The following AP3B1 variants were observed in gnomAD, a reference collection of about 807,000 sequenced individuals.
AP3B1 encodes the protein adaptor related protein complex 3 subunit beta 1.
In AP3B1, 61 loss-of-function variants were observed where a neutral mutation model predicts 132.5. The ratio of observed to expected loss-of-function variants is 0.46; its 90% CI spans 0.37 to 0.57. AP3B1 has a LOEUF of 0.57. Ranked by LOEUF, AP3B1 falls within the 20% of genes least tolerant of loss-of-function variation. The probability of loss-of-function intolerance (pLI) is 0.00; values close to 1 mark genes in which losing one functional copy is unlikely to be tolerated. For missense variants in AP3B1, 1,120 were observed against 1,289.4 expected, an observed-to-expected ratio of 0.87 and a Z score of 2.01; for synonymous variants, 388 against 438.3, an observed-to-expected ratio of 0.89 and a Z score of 1.43.
At chr5:78,277,433 A>C (rs1001490923) in intron 1 of AP3B1, among the ~76,000 whole-genome samples, 16 of 152,212 alleles carry the variant, frequency 1.1e-4, no homozygotes, top group African/African-American at 3.6e-4. Context: ...AGCAAGGCAG[A>C]GAAGGAAGAA....
Position 78,034,417 on chromosome 5 carries a change from T to C in AP3B1, c.2838A>G (p.Thr946=). ...IDSLEPEGSI[T]VSMGIDFCDS... ...CACAAAAGTCAATACCCATTGAAACTGTAATGGATCCCTCAGGCTCAAGAG... is the reference window on the plus strand; with the variant it reads ...CACAAAAGTCAATACCCATTGAAACCGTAATGGATCCCTCAGGCTCAAGAG... Residue 946 remains threonine, a synonymous_variant, in exon 24 of 27, where the codon ACA becomes ACG. Coordinates refer to ENST00000255194, the MANE Select transcript of AP3B1 (RefSeq NM_003664.5). 6.2e-7 allele frequency: 1 copy of C among 1,611,828 alleles called. No individual in the cohort carries two copies. Among genetic ancestry groups the C allele is most frequent in the South Asian group, 1.1e-5 (1 of 91,018 alleles).
chr5:78,217,459 G>A (rs961723291), intron 6 of AP3B1, among the ~76,000 whole-genome samples: 1 of 151,852 alleles, frequency 6.6e-6, no homozygotes, highest in Non-Finnish European at 1.5e-5. Context: ...CACCTCAATC[G>A]AAAAAGCACA....
chr5:78,023,537 A>C (rs1447347275), intron 24 of AP3B1, among the ~76,000 whole-genome samples: 1 of 152,206 alleles, frequency 6.6e-6, no homozygotes, highest in Non-Finnish European at 1.5e-5. Context: ...AGAATGGTGT[A>C]AATGGTGTAG....
chr5:78,174,429 T>C (rs1026906753), intron 11 of AP3B1, among the ~76,000 whole-genome samples: 1 of 152,236 alleles, frequency 6.6e-6, no homozygotes, highest in Non-Finnish European at 1.5e-5. Flanking sequence ...TAGTTTTCCT[T>C]GTAACAGTCA....
At chr5:78,112,798 T>C (rs1751653941) in intron 19 of AP3B1, among the ~76,000 whole-genome samples, 1 of 152,218 alleles carries the variant, frequency 6.6e-6, no homozygotes. Context: ...TTTACCTTAC[T>C]GCTTAGAGTT....
chr5:78,234,300 A>C (rs1281950772), intron 3 of AP3B1, among the ~76,000 whole-genome samples: 1 of 152,228 alleles, frequency 6.6e-6, no homozygotes, highest in Non-Finnish European at 1.5e-5. Context: ...ACTTGGAACC[A>C]AGTGATGTTA....
chr5:78,140,703 C>T (rs1252625902), intron 15 of AP3B1, among the ~76,000 whole-genome samples: 30 of 152,198 alleles, frequency 2.0e-4, no homozygotes, highest in Non-Finnish European at 2.9e-5. Flanking sequence ...AACTTTCAGA[C>T]CATTGTACCT....
rs1041237309 is a variant in AP3B1 at position 78,260,714 on chromosome 5, A to C, written c.204+6806T>G. ...CACAACTATTTTTAATAGGGTTCAT[A>C]ATATTTAAAATAAATGTCCAAAATG... On this transcript the variant is annotated intron_variant, in intron 2 of 26. Transcript: ENST00000255194. 2.3e-4 allele frequency among the ~76,000 whole-genome samples: 35 copies of C among 152,292 alleles called. 1 individual carries two copies. The highest frequency in any genetic ancestry group is 8.2e-4 in the African/African-American group (34 of 41,560).
intron 26 of AP3B1, among the ~76,000 whole-genome samples, chr5:78,011,221 T>A (rs1238385895): frequency 6.6e-6 from 1 of 151,956 alleles, no homozygotes; most frequent in African/African-American, 2.4e-5. Context: ...TTTTTTTGTA[T>A]ATTTAGTAGA....
intron 22 of AP3B1, among the ~76,000 whole-genome samples, chr5:78,044,309 T>C (rs896519258): frequency 1.1e-4 from 16 of 152,370 alleles, no homozygotes; most frequent in African/African-American, 3.6e-4. Context: ...CTACTAAGGC[T>C]ATGATAATCA....
intron 1 of AP3B1, among the ~76,000 whole-genome samples, chr5:78,268,935 T>C (rs1448464298): frequency 1.3e-5 from 2 of 152,214 alleles, no homozygotes; most frequent in East Asian, 1.9e-4. Flanking sequence ...AAAATTCTGA[T>C]ATAAATTACA....
At chr5:78,250,242 T>C (rs1462284565) in intron 2 of AP3B1, among the ~76,000 whole-genome samples, 1 of 152,086 alleles carries the variant, frequency 6.6e-6, no homozygotes, top group Non-Finnish European at 1.5e-5. Context: ...GCAGAATATA[T>C]AGTACCTATT....
In AP3B1 at chr5:78,034,381, C is replaced by A. The variant is rs761183683; in HGVS notation, c.2874G>T (p.Gln958His). The A allele has an allele frequency of 6.2e-7, 1 of 1,612,048 alleles. No individual in the cohort carries two copies. Among genetic ancestry groups the A allele is most frequent in the Non-Finnish European group, 8.5e-7 (1 of 1,178,414 alleles). ...SMGIDFCDST[Q>H]TASFQLCTKD... ...CTTACCACAACTGGAAACTGGCAGT[C>A]TGAGTAGAATCACAAAAGTCAATAC... Residue 958 changes from glutamine to histidine, a missense_variant, in exon 24 of 27, where the codon CAG becomes CAT. By Grantham distance (24) the Gln-to-His change is conservative (BLOSUM62 0). Around this residue, in one of 3 missense-constraint regions of AP3B1, gnomAD observed 906 missense variants for 997.1 expected, o/e 0.91. Transcript: ENST00000255194.
At chr5:78,172,473 C>G (rs942235329) in intron 11 of AP3B1, among the ~76,000 whole-genome samples, 15 of 152,170 alleles carry the variant, frequency 9.9e-5, no homozygotes, top group Non-Finnish European at 1.9e-4. Flanking sequence ...GGAGTGTGTA[C>G]GTGTCCAGGA....
At chr5:78,172,885 CTT>C (rs1197578439) in intron 11 of AP3B1, among the ~76,000 whole-genome samples, 1 of 152,190 alleles carries the variant, frequency 6.6e-6, no homozygotes. Flanking sequence ...ACTGCTTTCT[CTT>C]GTGAGCATTT....
intron 2 of AP3B1, among the ~76,000 whole-genome samples, chr5:78,242,245 T>G (rs768673139): frequency 1.3e-5 from 2 of 152,176 alleles, no homozygotes; most frequent in African/African-American, 2.4e-5. Context: ...TACTCACTAC[T>G]AGAATATTCT....
intron 24 of AP3B1, among the ~76,000 whole-genome samples, chr5:78,028,342 C>T (rs1747427338): frequency 6.6e-6 from 1 of 151,528 alleles, no homozygotes; most frequent in African/African-American, 2.4e-5. Context: ...TGCCTGTAGT[C>T]CCAGCTACTC....
intron 22 of AP3B1, among the ~76,000 whole-genome samples, chr5:78,065,693 C>G (rs1749259783): frequency 6.6e-6 from 1 of 152,184 alleles, no homozygotes; most frequent in South Asian, 2.1e-4. Flanking sequence ...TGGGGAAGGG[C>G]AGCCATGGTC....
At chr5:78,176,233 G>GTCATGTTA (rs1744143093) in intron 9 of AP3B1, among the ~76,000 whole-genome samples, 1 of 151,894 alleles carries the variant, frequency 6.6e-6, no homozygotes, top group South Asian at 2.1e-4. Context: ...TTTAAAAGTA[G>GTCATGTTA]TCATGTTATT....
Sources: gnomAD v4.1 joint callset for allele counts (sites outside exome capture counted in the v4.1 genomes callset) on GRCh38, gnomAD v4.1.1 for gene constraint, gnomAD v4.1.1 regional missense constraint, MANE v1.5 for transcripts, NCBI Gene and HGNC (gene_info 2026-07-23, HGNC 2026-07-21) for gene names.